Variants in SHISAL1 observed in about 807,000 individuals in gnomAD.
SHISAL1 encodes the protein protein shisa-like-1.
SHISAL1 carries 9 observed loss-of-function variants against 22.6 expected under a neutral mutation model. That is an observed-to-expected ratio of 0.40 (90% CI 0.24 to 0.70). The LOEUF (loss-of-function observed/expected upper bound fraction) is 0.70. Ranked by LOEUF, SHISAL1 falls within the 30% of genes least tolerant of loss-of-function variation. SHISAL1 has a pLI of 0.39. For synonymous variants in SHISAL1, 119 were observed against 115.4 expected, an observed-to-expected ratio of 1.03 and a Z score of -0.20; for missense variants, 246 against 270.6, an observed-to-expected ratio of 0.91 and a Z score of 0.64.
rs1601808371 is a variant in SHISAL1 at position 44,310,475 on chromosome 22, T to C, written c.-33+2276A>G. On this transcript the variant is annotated intron_variant, in intron 1 of 4. Transcript: ENST00000381176. The surrounding 1 kb of genome is among the most constrained non-coding windows in gnomAD (Gnocchi z 4.0). ...TGGCCTTGGATCAGAGCTTTATCAC[T>C]AACTAGCTGGGTGATCTAGGGCAAG... Among the ~76,000 whole-genome samples the C allele has an allele frequency of 6.6e-6, 1 of 152,296 alleles. No homozygotes were observed. The highest frequency in any genetic ancestry group is 2.1e-4 in the South Asian group (1 of 4,820).
At chr22:44,312,607 T>A (rs1361289892) in intron 1 of SHISAL1, 144 bp downstream of exon 1, 1 of 152,286 alleles carries the variant, frequency 6.6e-6, no homozygotes, top group South Asian at 2.1e-4. Context: ...CATTCTTCTG[T>A]GACTAGGAGT....
chr22:44,253,518 T>C (rs1262949121), intron 4 of SHISAL1, among the ~76,000 whole-genome samples: 1 of 150,322 alleles, frequency 6.7e-6, no homozygotes, highest in Non-Finnish European at 1.5e-5. Flanking sequence ...AACCTCCATC[T>C]CTTGGGTTCA....
chr22:44,309,190 C>T (rs1421726071), intron 1 of SHISAL1, among the ~76,000 whole-genome samples: 1 of 152,214 alleles, frequency 6.6e-6, no homozygotes, highest in Non-Finnish European at 1.5e-5. Flanking sequence ...CCTAACGAGT[C>T]TCTACTGTGG....
At chr22:44,278,644 G>A (rs116667328) in intron 4 of SHISAL1, among the ~76,000 whole-genome samples, 3,959 of 152,240 alleles carry the variant, frequency 0.026, 225 homozygotes, top group East Asian at 0.14. Context: ...CTGAACCTTT[G>A]GGGGTACAGA....
chr22:44,263,079 C>CTTTCTTTTTTTT (rs55901041), intron 4 of SHISAL1, among the ~76,000 whole-genome samples: 20 of 88,272 alleles, frequency 2.3e-4, no homozygotes, highest in Admixed American at 5.7e-4. Flanking sequence ...TTCTTTCTTT[C>CTTTCTTTTTTTT]TTTTTTTTTT....
chr22:44,270,697 G>A (rs867545303), intron 4 of SHISAL1, among the ~76,000 whole-genome samples: 9 of 152,088 alleles, frequency 5.9e-5, no homozygotes, highest in Admixed American at 2.6e-4. Context: ...AAGAAGAGCC[G>A]GACACAGACG....
chr22:44,298,843 G>C (rs1723613793), intron 2 of SHISAL1, among the ~76,000 whole-genome samples: 1 of 152,218 alleles, frequency 6.6e-6, no homozygotes, highest in African/African-American at 2.4e-5. Flanking sequence ...AGCTCACCCG[G>C]CCACCACTGG....
chr22:44,290,889 T>A (rs2055348431), intron 3 of SHISAL1, among the ~76,000 whole-genome samples: 1 of 152,108 alleles, frequency 6.6e-6, no homozygotes, highest in Non-Finnish European at 1.5e-5. Context: ...TCGCCCAAGG[T>A]CACACAGCAG....
At chr22:44,300,789 C>A in intron 2 of SHISAL1, 90 bp downstream of exon 2, 1 of 1,123,446 alleles carries the variant, frequency 8.9e-7, no homozygotes, top group Non-Finnish European at 1.3e-6. Context: ...TCTGTGTGCC[C>A]CCAGAACCCC....
chr22:44,327,147 C>T, the SHISAL1 span, among the ~76,000 whole-genome samples: 50 of 152,094 alleles, frequency 3.3e-4, no homozygotes, highest in Admixed American at 7.2e-4. Flanking sequence ...CTCCCCATCA[C>T]AGCACAGCAC....
intron 3 of SHISAL1, among the ~76,000 whole-genome samples, chr22:44,291,087 A>G (rs75196408): frequency 0.033 from 5,023 of 152,260 alleles, 128 homozygotes; most frequent in African/African-American, 0.071. Context: ...TGGCCAATAA[A>G]ACATGAGCAA....
intron 1 of SHISAL1, among the ~76,000 whole-genome samples, chr22:44,307,533 T>A (rs2147309368): frequency 6.6e-6 from 1 of 152,244 alleles, no homozygotes; most frequent in East Asian, 1.9e-4. Context: ...CTCTGAAAAT[T>A]GGTAAACTTC....
At chr22:44,295,493 T>C (rs2147297894) in intron 3 of SHISAL1, among the ~76,000 whole-genome samples, 1 of 150,726 alleles carries the variant, frequency 6.6e-6, no homozygotes, top group African/African-American at 2.5e-5. Flanking sequence ...TTTCTTAGTA[T>C]GATGCAAAAG....
the SHISAL1 span, among the ~76,000 whole-genome samples, chr22:44,319,137 G>A: frequency 1.3e-5 from 2 of 152,240 alleles, no homozygotes; most frequent in African/African-American, 2.4e-5. Flanking sequence ...AACTGTATAA[G>A]CCCTGGCCTC....
At chr22:44,301,411 C>T (rs942628985) in intron 1 of SHISAL1, among the ~76,000 whole-genome samples, 13 of 152,088 alleles carry the variant, frequency 8.5e-5, no homozygotes, top group African/African-American at 2.2e-4. Context: ...CAAGTATGCA[C>T]GGAGCCAGGC....
At chr22:44,276,085 G>A (rs1403400958) in intron 4 of SHISAL1, among the ~76,000 whole-genome samples, 2 of 152,232 alleles carry the variant, frequency 1.3e-5, no homozygotes, top group South Asian at 2.1e-4. Flanking sequence ...CAAAGCAAAC[G>A]TGATGTCAGG....
intron 1 of SHISAL1, among the ~76,000 whole-genome samples, chr22:44,305,823 T>C (rs2055467051): frequency 6.6e-6 from 1 of 152,110 alleles, no homozygotes; most frequent in South Asian, 2.1e-4. Context: ...CGCAGCCCTG[T>C]ATGCTGGACA....
Position 44,247,378 on chromosome 22 carries a change from G to GGACACAGCT in SHISAL1, c.*2298_*2306dup, listed in dbSNP as rs1432917738. The GGACACAGCT allele has an allele frequency of 2.0e-5, 3 of 152,310 alleles. No homozygotes were observed. The highest frequency in any genetic ancestry group is 4.4e-5 in the Non-Finnish European group (3 of 68,126). The allele number at this position is 152,310 out of a possible 1,614,324, so 9.4% of individuals were successfully genotyped here. A position where few individuals can be genotyped will look rare whatever the true frequency, so the allele number is the denominator to read the frequency against. ...TCTGCCTTCTGAGGCACTGCACGTG[G>GGACACAGCT]GACACAGCTGTGGCTTCCGCAGCTG... On this transcript the variant is annotated 3_prime_UTR_variant, in exon 5 of 5. Coordinates refer to ENST00000381176, the MANE Select transcript of SHISAL1 (RefSeq NM_001099294.2).
chr22:44,277,660 C>T (rs866849187), intron 4 of SHISAL1, among the ~76,000 whole-genome samples: 5 of 152,096 alleles, frequency 3.3e-5, no homozygotes, highest in African/African-American at 1.2e-4. Context: ...GGACCCTGGG[C>T]GTGAGACAGA....
Sources: allele counts gnomAD v4.1 joint callset (sites outside exome capture counted in the v4.1 genomes callset), GRCh38; gene constraint gnomAD v4.1.1; non-coding constraint Gnocchi (gnomAD v3.1); transcripts MANE v1.5; gene names NCBI Gene and HGNC (gene_info 2026-07-23, HGNC 2026-07-21).